Variants in DNAH11 observed in about 807,000 individuals in gnomAD.
DNAH11 encodes the protein axonemal beta dynein heavy chain 11.
Under a neutral mutation model 526.0 loss-of-function variants are expected in DNAH11, and 442 were observed. The observed-to-expected ratio is 0.84, with a 90% CI of 0.78 to 0.91. DNAH11 has a LOEUF of 0.91. Ranked by LOEUF, DNAH11 falls within the 40% of genes least tolerant of loss-of-function variation. DNAH11 has a pLI of 0.00. For synonymous variants in DNAH11, 2,461 were observed against 1,935.9 expected (o/e 1.27, Z -7.12); for missense variants, 6,989 against 5,448.7 (o/e 1.28, Z -8.90).
intron 57 of DNAH11, among the ~76,000 whole-genome samples, chr7:21,780,170 G>A (rs1192980121): frequency 6.6e-6 from 1 of 152,136 alleles, no homozygotes; most frequent in Non-Finnish European, 1.5e-5. Context: ...CATTTGGCAT[G>A]CCCTATGTGA....
chr7:21,716,550 C>A (rs1369537256), intron 42 of DNAH11, among the ~76,000 whole-genome samples: 1 of 152,166 alleles, frequency 6.6e-6, no homozygotes, highest in Non-Finnish European at 1.5e-5. Context: ...TTTAGACTTT[C>A]CTTTCCCTGA....
chr7:21,824,761 A>T (rs1222449570), intron 65 of DNAH11, among the ~76,000 whole-genome samples: 1 of 152,222 alleles, frequency 6.6e-6, no homozygotes, highest in Non-Finnish European at 1.5e-5. Context: ...GCTTTATAAA[A>T]ATACCATTAT....
chr7:21,816,447 A>T lies in DNAH11; in HGVS notation c.10333-20A>T. ...CTCTGCCACATGACCAATTTGTTGC[A>T]TTCAACTCTGATTTTAAAGGTTTCC... On this transcript the variant is annotated intron_variant, in intron 63 of 81. Transcript: ENST00000409508. 1 of 1,570,928 alleles carries T rather than the reference A, an allele frequency of 6.4e-7. No homozygotes were observed. The highest frequency in any genetic ancestry group is 8.7e-7 in the Non-Finnish European group (1 of 1,155,222).
At chr7:21,721,135 T>C (rs553021036) in intron 44 of DNAH11, among the ~76,000 whole-genome samples, 1 of 152,306 alleles carries the variant, frequency 6.6e-6, no homozygotes, top group South Asian at 2.1e-4. Flanking sequence ...CAGCATGCTG[T>C]TCTACAAGAA....
In DNAH11 at chr7:21,615,264, T is replaced by A. The variant is rs1194646068; in HGVS notation, c.4003T>A (p.Tyr1335Asn). Residue 1335 changes from tyrosine to asparagine, a missense_variant, in exon 21 of 82, where the codon TAT (tyrosine) becomes AAT (asparagine). Transcript: ENST00000409508. ...CAAGGGACTGTGGGATGTCATTATT[T>A]ATGTTCGAGTAAGATGTGCTTTTTC... ...LLKGLWDVIIYVRRSIDNWTK... is the reference protein window; with the variant it reads ...LLKGLWDVIINVRRSIDNWTK... 6.2e-7 allele frequency: 1 copy of A among 1,611,562 alleles called. No homozygotes were observed. The highest frequency in any genetic ancestry group is 8.5e-7 in the Non-Finnish European group (1 of 1,178,740).
chr7:21,768,048 T>C (rs1017519809), intron 55 of DNAH11, among the ~76,000 whole-genome samples: 4 of 152,236 alleles, frequency 2.6e-5, no homozygotes, highest in African/African-American at 4.8e-5. Flanking sequence ...TCTAAATTAA[T>C]GTTTGTGCTA....
At chr7:21,772,807 AGGAGC>A (rs1787494499) in intron 55 of DNAH11, among the ~76,000 whole-genome samples, 1 of 152,200 alleles carries the variant, frequency 6.6e-6, no homozygotes, top group Admixed American at 6.5e-5. Context: ...GACATTGTTC[AGGAGC>A]AGTTGTTTTT....
chr7:21,619,887 C>A, intron 24 of DNAH11, 69 bp from the exon 25 acceptor site: 1 of 1,431,170 alleles, frequency 7.0e-7, no homozygotes, highest in African/African-American at 1.5e-5. Flanking sequence ...AAAATTAATT[C>A]CAGATAATAG....
chr7:21,628,822 G>A (rs945650946), intron 25 of DNAH11, among the ~76,000 whole-genome samples: 2 of 151,994 alleles, frequency 1.3e-5, no homozygotes, highest in African/African-American at 4.8e-5. Context: ...TCTAGCTAAA[G>A]GCTTATCAAT....
At chr7:21,748,886 T>A in intron 52 of DNAH11, 144 bp downstream of exon 52, 1 of 746,254 alleles carries the variant, frequency 1.3e-6, no homozygotes, top group Non-Finnish European at 2.0e-6. Flanking sequence ...TTTAAAGCAG[T>A]AATTGACCTT....
intron 12 of DNAH11, 60 bp from the exon 13 acceptor site, chr7:21,590,858 A>T: frequency 9.7e-7 from 1 of 1,027,038 alleles, no homozygotes; most frequent in Non-Finnish European, 1.3e-6. Flanking sequence ...GTTAAACTTG[A>T]GTTAAAATAG....
At chr7:21,842,782 C>A in intron 66 of DNAH11, 34 bp downstream of exon 66, 2 of 1,541,032 alleles carry the variant, frequency 1.3e-6, no homozygotes, top group African/African-American at 1.4e-5. Flanking sequence ...AACACTTAGT[C>A]GGCATTTGCT....
At chr7:21,814,675 G>T (rs1279659192) in intron 63 of DNAH11, among the ~76,000 whole-genome samples, 3 of 151,818 alleles carry the variant, frequency 2.0e-5, no homozygotes, top group Non-Finnish European at 4.4e-5. Flanking sequence ...GCATTATGAT[G>T]GCTACAGTGT....
intron 55 of DNAH11, among the ~76,000 whole-genome samples, chr7:21,768,274 C>T (rs770560739): frequency 2.0e-5 from 3 of 152,140 alleles, no homozygotes; most frequent in Non-Finnish European, 4.4e-5. Flanking sequence ...GTGAGAAGCT[C>T]GTTGGAGAGA....
intron 66 of DNAH11, among the ~76,000 whole-genome samples, chr7:21,849,922 T>C (rs6950138): frequency 0.85 from 128,451 of 151,612 alleles, 54,527 homozygotes; most frequent in East Asian, 0.95. Context: ...TTTTTTCTTT[T>C]TTCTCCTTGT....
intron 43 of DNAH11, among the ~76,000 whole-genome samples, chr7:21,720,306 G>T (rs138803476): frequency 6.6e-6 from 1 of 152,172 alleles, no homozygotes; most frequent in African/African-American, 2.4e-5. Flanking sequence ...ATCCATTCCA[G>T]TGGTGGTGTA....
intron 9 of DNAH11, among the ~76,000 whole-genome samples, chr7:21,585,009 C>T (rs936608015): frequency 1.4e-5 from 2 of 148,064 alleles, no homozygotes; most frequent in Admixed American, 1.3e-4. Context: ...ATTCAAGTCT[C>T]TCTTTTTCAC....
In DNAH11 at chr7:21,720,684, T is replaced by A. The variant is rs751034997; in HGVS notation, c.7135-41T>A. The A allele has an allele frequency of 4.8e-5, 73 of 1,521,496 alleles. 1 individual carries two copies. The highest frequency in any genetic ancestry group is 1.8e-4 in the Middle Eastern group (1 of 5,412). 94.2% of individuals were successfully genotyped at this position (1,521,496 alleles called of 1,614,324 possible). A position where few individuals can be genotyped will look rare whatever the true frequency, so the allele number is the denominator to read the frequency against. On this transcript the variant is annotated intron_variant, in intron 43 of 81. Transcript: ENST00000409508. ...AAATATTCTTTGAACTTCACTATTT[T>A]AAAAAAATGTTGCCTTATTTGACTA...
intron 28 of DNAH11, among the ~76,000 whole-genome samples, chr7:21,639,538 G>A (rs1200412650): frequency 1.3e-5 from 2 of 152,108 alleles, no homozygotes; most frequent in African/African-American, 2.4e-5. Context: ...GGATCATCCC[G>A]AATTAACCCT....
Sources: allele counts gnomAD v4.1 joint callset (sites outside exome capture counted in the v4.1 genomes callset), GRCh38; gene constraint gnomAD v4.1.1; transcripts MANE v1.5; gene names NCBI Gene and HGNC (gene_info 2026-07-23, HGNC 2026-07-21).